Variants in ESYT2 observed in about 807,000 individuals in gnomAD.
ESYT2 encodes extended synaptotagmin 2.
In ESYT2, 54 loss-of-function variants were observed where a neutral mutation model predicts 107.2. The ratio of observed to expected loss-of-function variants is 0.50; its 90% confidence interval spans 0.40 to 0.63. The LOEUF (loss-of-function observed/expected upper bound fraction) is 0.63. Among genes scored for constraint, ESYT2 ranks in the 30% least tolerant of loss-of-function variants. The probability of loss-of-function intolerance (pLI) is 0.00; values close to 1 mark genes in which losing one functional copy is unlikely to be tolerated. For missense variants in ESYT2, 1,020 were observed against 1,094.5 expected (o/e 0.93, Z 0.96); for synonymous variants, 491 against 434.1 (o/e 1.13, Z -1.63).
intron 13 of ESYT2, among the ~76,000 whole-genome samples, chr7:158,754,226 G>T (rs957373251): frequency 1.6e-4 from 25 of 152,004 alleles, no homozygotes; most frequent in African/African-American, 5.6e-4. Flanking sequence ...TTATATTTTT[G>T]AGACGGAGTC....
intron 6 of ESYT2, 69 bp downstream of exon 6, chr7:158,787,935 A>G (rs1045396242): frequency 1.6e-6 from 2 of 1,286,390 alleles, no homozygotes; most frequent in South Asian, 1.2e-5. Flanking sequence ...TCCACTTTAT[A>G]TATTCTTCCA....
intron 6 of ESYT2, among the ~76,000 whole-genome samples, chr7:158,787,528 T>G (rs961749534): frequency 1.3e-5 from 2 of 152,212 alleles, no homozygotes; most frequent in African/African-American, 4.8e-5. Flanking sequence ...ATGAGTCTTC[T>G]CAACAAAGTG....
intron 4 of ESYT2, among the ~76,000 whole-genome samples, chr7:158,791,748 C>G (rs1839299792): frequency 6.6e-6 from 1 of 152,192 alleles, no homozygotes; most frequent in African/African-American, 2.4e-5. Flanking sequence ...CAAGTTCTTT[C>G]CACATTTTTG....
At chr7:158,784,038 C>T (rs1584847425) in intron 6 of ESYT2, among the ~76,000 whole-genome samples, 1 of 152,104 alleles carries the variant, frequency 6.6e-6, no homozygotes, top group South Asian at 2.1e-4. Flanking sequence ...GCAAAAGACC[C>T]GCCAAAGACA....
intron 1 of ESYT2, among the ~76,000 whole-genome samples, chr7:158,805,469 T>C (rs1171258861): frequency 6.6e-6 from 1 of 152,260 alleles, no homozygotes; most frequent in Non-Finnish European, 1.5e-5. Flanking sequence ...CACAGTATGG[T>C]CAAATTACTA....
In ESYT2 at chr7:158,826,022, A is replaced by G. The variant is rs887242187; in HGVS notation, c.330+3067T>C. On this transcript the variant is annotated intron_variant, in intron 1 of 22. Transcript: ENST00000275418. Reference sequence around the variant, plus strand: ...CAACGCGGTAAGAACTCATCTCTAGAAAAAAAAAAAAACAAAAACAAACCC... The same window carrying G: ...CAACGCGGTAAGAACTCATCTCTAGGAAAAAAAAAAAACAAAAACAAACCC... Among the ~76,000 whole-genome samples the G allele has an allele frequency of 1.6e-4, 16 of 101,836 alleles. 1 individual carries two copies. Among genetic ancestry groups the G allele is most frequent in the East Asian group, 1.0e-3 (4 of 3,890 alleles). The allele number at this position is 101,836 out of a possible 152,430, so 66.8% of individuals were successfully genotyped here.
chr7:158,829,467 C>T lies in ESYT2; in HGVS notation c.-49G>A. 4 of 1,207,150 alleles carry T rather than the reference C, an allele frequency of 3.3e-6. No individual in the cohort carries two copies. Among genetic ancestry groups the T allele is most frequent in the Non-Finnish European group, 3.1e-6 (3 of 973,162 alleles). 74.8% of individuals were successfully genotyped at this position (1,207,150 alleles called of 1,614,324 possible). A position where few individuals can be genotyped will look rare whatever the true frequency, so the allele number is the denominator to read the frequency against. ...TCCCGGCCGAGGCGGGCTGGGTGCT[C>T]GCGCTGATCCCGGGCGGCTCAGCCC... On this transcript the variant is annotated 5_prime_UTR_variant, in exon 1 of 23. Transcript: ENST00000275418.
chr7:158,775,653 C>T (rs976860625), intron 6 of ESYT2, among the ~76,000 whole-genome samples: 5 of 152,212 alleles, frequency 3.3e-5, no homozygotes, highest in African/African-American at 7.2e-5. Flanking sequence ...CTTCTAACTA[C>T]GGTTCTCTCA....
chr7:158,774,723 A>G (rs1838488322), intron 6 of ESYT2, among the ~76,000 whole-genome samples: 1 of 152,238 alleles, frequency 6.6e-6, no homozygotes, highest in Non-Finnish European at 1.5e-5. Flanking sequence ...ACTTCTGATC[A>G]CAAATCTACA....
intron 16 of ESYT2, chr7:158,744,349 C>T (rs1837327236): frequency 1.3e-5 from 2 of 152,154 alleles, no homozygotes; most frequent in Non-Finnish European, 1.5e-5. Flanking sequence ...TCGGAGAACC[C>T]TGGGTTAATA....
chr7:158,753,287 C>T (rs1221722052), intron 13 of ESYT2, among the ~76,000 whole-genome samples: 2 of 152,228 alleles, frequency 1.3e-5, no homozygotes, highest in African/African-American at 4.8e-5. Flanking sequence ...CTGGAACCGC[C>T]GCTGAGACGC....
rs1839751853 is a variant in ESYT2, at chr7:158,804,400, ACT to A, written c.331-5330_331-5329del. ...AGGGTGAGGCGAGTGACAAACCCAAACTGTTGAGAAAAGTGAGGCACGTGACA... is the reference window on the plus strand; with the variant it reads ...AGGGTGAGGCGAGTGACAAACCCAAAGTTGAGAAAAGTGAGGCACGTGACA... On this transcript the variant is annotated intron_variant, in intron 1 of 22. Coordinates refer to ENST00000275418, the MANE Select transcript of ESYT2 (RefSeq NM_001367773.1). Among the ~76,000 whole-genome samples the A allele has an allele frequency of 2.0e-5, 3 of 148,240 alleles. 1 individual carries two copies. Among genetic ancestry groups the A allele is most frequent in the African/African-American group, 7.6e-5 (3 of 39,450 alleles).
At chr7:158,756,144 A>G (rs1467711324) in intron 13 of ESYT2, among the ~76,000 whole-genome samples, 5 of 152,260 alleles carry the variant, frequency 3.3e-5, no homozygotes, top group African/African-American at 1.2e-4. Context: ...AATAGAAATG[A>G]AAACTCTACA....
At chr7:158,815,697 C>A (rs1372392277) in intron 1 of ESYT2, among the ~76,000 whole-genome samples, 1 of 152,154 alleles carries the variant, frequency 6.6e-6, no homozygotes, top group South Asian at 2.1e-4. Context: ...TCCCACTGCA[C>A]AGCTCCTCCT....
At position 158,829,144 on chromosome 7, in the gene ESYT2, T is replaced by C; in HGVS notation, c.275A>G (p.Glu92Gly). 6.4e-7 allele frequency: 1 copy of C among 1,566,648 alleles called. No homozygotes were observed. The highest frequency in any genetic ancestry group is 8.6e-7 in the Non-Finnish European group (1 of 1,165,396). ...LRLCRALALLEDEERVVRLGV... is the reference protein window; with the variant it reads ...LRLCRALALLGDEERVVRLGV... Reference sequence around the variant, plus strand: ...CAGGCGCACGACGCGCTCCTCGTCTTCCAGCAGCGCCAGCGCGCGGCACAG... The same window carrying C: ...CAGGCGCACGACGCGCTCCTCGTCTCCCAGCAGCGCCAGCGCGCGGCACAG... Residue 92 changes from glutamate (E) to glycine (G), a missense_variant, in exon 1 of 23, where the codon GAA becomes GGA. Glu to Gly is a moderately conservative substitution (Grantham distance 98). Transcript: ENST00000275418.
chr7:158,798,646 C>CAAAAAAAAAAAAAAAAAAAAA (rs57351086), intron 2 of ESYT2, among the ~76,000 whole-genome samples: 1 of 49,852 alleles, frequency 2.0e-5, no homozygotes, highest in Non-Finnish European at 3.3e-5. Flanking sequence ...AGCTCCGTCT[C>CAAAAAAAAAAAAAAAAAAAAA]AAAAAAAAAA....
chr7:158,768,593 AT>A (rs551975633), intron 7 of ESYT2, among the ~76,000 whole-genome samples: 117 of 152,174 alleles, frequency 7.7e-4, no homozygotes, highest in Middle Eastern at 3.4e-3. Context: ...CTAATATTGT[AT>A]TTTTAGTAGA....
chr7:158,779,867 G>A (rs944610191), intron 6 of ESYT2, among the ~76,000 whole-genome samples: 3 of 152,214 alleles, frequency 2.0e-5, no homozygotes, highest in Admixed American at 6.5e-5. Context: ...ATGAACAAGG[G>A]GTTCTTGGCC....
chr7:158,823,661 A>G (rs1320879475), intron 1 of ESYT2, among the ~76,000 whole-genome samples: 1 of 152,128 alleles, frequency 6.6e-6, no homozygotes, highest in African/African-American at 2.4e-5. Context: ...CTATTGAGAC[A>G]TAATTCACAT....
Sources: allele counts gnomAD v4.1 joint callset (sites outside exome capture counted in the v4.1 genomes callset), GRCh38; gene constraint gnomAD v4.1.1; transcripts MANE v1.5; gene names NCBI Gene and HGNC (gene_info 2026-07-23, HGNC 2026-07-21).